AKR1B1: variants seen among roughly 807,000 people sequenced by gnomAD.
The protein encoded by AKR1B1 is aldo-keto reductase family 1 member B1.
A neutral mutation model predicts 40.4 loss-of-function variants in AKR1B1; 22 were observed. The ratio of observed to expected loss-of-function variants is 0.54; its 90% CI spans 0.39 to 0.78. The LOEUF (loss-of-function observed/expected upper bound fraction) is 0.78, where lower values mean the gene tolerates loss of function less well. AKR1B1 is among the 30% of genes least tolerant of loss of function. The pLI, the probability that AKR1B1 is intolerant of heterozygous loss-of-function variation, is 0.00. For missense variants in AKR1B1, 357 were observed against 396.7 expected, an observed-to-expected ratio of 0.90 and a Z score of 0.85; for synonymous variants, 157 against 149.9, an observed-to-expected ratio of 1.05 and a Z score of -0.35.
intron 1 of AKR1B1, among the ~76,000 whole-genome samples, chr7:134,454,525 C>G (rs1806404020): frequency 6.6e-6 from 1 of 152,136 alleles, no homozygotes; most frequent in African/African-American, 2.4e-5. Context: ...CTCTGCAAGT[C>G]AAAAAGCAAG....
intron 2 of AKR1B1, 109 bp from the exon 3 acceptor site, chr7:134,451,011 G>T: frequency 2.3e-6 from 2 of 859,388 alleles, no homozygotes; most frequent in Non-Finnish European, 3.9e-6. Context: ...TTACCATGAT[G>T]CTGTGAATGG....
Position 134,450,896 on chromosome 7 carries a change from A to T in AKR1B1, c.241T>A (p.Cys81Ser). The T allele has an allele frequency of 6.2e-7, 1 of 1,613,934 alleles. No individual in the cohort carries two copies. The highest frequency in any genetic ancestry group is 8.5e-7 in the Non-Finnish European group (1 of 1,179,846). Residue 81 changes from cysteine (C) to serine (S), a missense_variant, in exon 3 of 10, where the codon TGC becomes AGC. Coordinates refer to ENST00000285930, the MANE Select transcript of AKR1B1 (RefSeq NM_001628.4). ...ACCAGGCCCTTCTCATGGTACGTGC[A>T]CCACAGCTAAGCCAGCGAGAGGGCA... ...EELFIVSKLWCTYHEKGLVKG... is the reference protein window; with the variant it reads ...EELFIVSKLWSTYHEKGLVKG...
intron 4 of AKR1B1, chr7:134,449,390 T>C (rs528589015): frequency 4.6e-5 from 26 of 564,208 alleles, no homozygotes; most frequent in Non-Finnish European, 7.0e-5. Flanking sequence ...ATCAAGACCA[T>C]CCTGGCTAAC....
chr7:134,447,547 A>G, intron 7 of AKR1B1, 166 bp from the exon 8 acceptor site: 1 of 696,924 alleles, frequency 1.4e-6, no homozygotes, highest in East Asian at 2.7e-5. Context: ...TAGGCGACGC[A>G]TTCAGGTCCA....
In AKR1B1 at chr7:134,448,931, A is replaced by G. The variant is rs571395236; in HGVS notation, c.552+66T>C. ...ACTTGCTGGGTGAGGTGGACGAGAA[A>G]TCCCTACCAGCATCAGACAGTAAAA... On this transcript the variant is annotated intron_variant, in intron 5 of 9. Transcript: ENST00000285930. 1.2e-4 allele frequency: 192 copies of G among 1,608,618 alleles called. 2 individuals carry two copies. In the African/African-American group the frequency reaches 1.3e-3, roughly 11 times the overall value.
At chr7:134,448,126 C>A in intron 6 of AKR1B1, 65 bp from the exon 7 acceptor site, 1 of 1,359,120 alleles carries the variant, frequency 7.4e-7, no homozygotes, top group Non-Finnish European at 1.0e-6. Context: ...CCAGAAACCC[C>A]AACCCTAATC....
intron 6 of AKR1B1, 115 bp downstream of exon 6, chr7:134,448,270 CAG>C (rs1338997539): frequency 8.9e-6 from 9 of 1,014,628 alleles, no homozygotes; most frequent in Non-Finnish European, 1.4e-5. Flanking sequence ...GCAAGAGGCT[CAG>C]GGGAAGTTTT....
chr7:134,448,351 A>G, intron 6 of AKR1B1, 36 bp downstream of exon 6: 1 of 1,528,000 alleles, frequency 6.5e-7, no homozygotes, highest in Non-Finnish European at 9.1e-7. Context: ...AATCTTCACC[A>G]AGTGACACAG....
intron 1 of AKR1B1, among the ~76,000 whole-genome samples, chr7:134,452,107 G>A (rs1012923242): frequency 3.3e-5 from 5 of 152,158 alleles, no homozygotes; most frequent in African/African-American, 1.2e-4. Context: ...AGATAGTAAG[G>A]GAAACCATTT....
rs1428489589 is a variant in AKR1B1 at position 134,447,364 on chromosome 7, G to A, written c.759C>T (p.Pro253=). 1.9e-6 allele frequency: 3 copies of A among 1,613,932 alleles called. No individual in the cohort carries two copies. In the Admixed American group the frequency reaches 5.0e-5, roughly 27 times the overall value. Residue 253 remains proline, a synonymous_variant, in exon 8 of 10, where the codon CCC becomes CCT. Coordinates refer to ENST00000285930, the MANE Select transcript of AKR1B1 (RefSeq NM_001628.4). ...GGATCACCACCAAGTTCCTCTGCAT[G>A]GGGAACCGGATCAGGACCTGTGAGC... ...KTTAQVLIRF[P]MQRNLVVIPK...
In AKR1B1 at chr7:134,447,155, C is replaced by T. The variant is rs113370670; in HGVS notation, c.825+143G>A. 4.0e-3 allele frequency: 3,162 copies of T among 794,150 alleles called. 81 individuals are homozygous for T. The African/African-American group carries it at 0.048, about 12-fold the overall frequency. 49.2% of individuals were successfully genotyped at this position (794,150 alleles called of 1,614,324 possible). A position where few individuals can be genotyped will look rare whatever the true frequency, so the allele number is the denominator to read the frequency against. On this transcript the variant is annotated intron_variant, in intron 8 of 9. Coordinates refer to ENST00000285930, the MANE Select transcript of AKR1B1 (RefSeq NM_001628.4). ...CCACTGGTGAGGTGTCAGTCTCAGT[C>T]TTGGCTTGCTCGCCACAGCTCCCTG... is the stretch of plus-strand genomic sequence containing the variant.
intron 9 of AKR1B1, among the ~76,000 whole-genome samples, chr7:134,443,617 C>A (rs530298405): frequency 6.6e-6 from 1 of 150,830 alleles, no homozygotes; most frequent in Non-Finnish European, 1.5e-5. Context: ...CAGGTGCAGA[C>A]GTGTTTGTCA....
chr7:134,447,838 C>G, intron 7 of AKR1B1, 142 bp downstream of exon 7: 1 of 779,140 alleles, frequency 1.3e-6, no homozygotes, highest in Non-Finnish European at 2.3e-6. Flanking sequence ...CGATCTGTGC[C>G]CTTTCCACTC....
rs932031834 is a variant in AKR1B1 at position 134,450,852 on chromosome 7, C to T, written c.285G>A (p.Lys95=). The T allele has an allele frequency of 1.2e-6, 2 of 1,614,198 alleles. No individual in the cohort carries two copies. The change falls in exon 3 of 10, where the codon AAG becomes AAA. Residue 95 remains lysine (K), a synonymous_variant. Transcript: ENST00000285930. The part of the protein sequence containing the change: ...EKGLVKGACQ[K]TLSDLKLDYL... ...AGTCCAGCTTCAGGTCGCTGAGTGT[C>T]TTCTGGCAGGCTCCTTTCACCAGGC...
rs757493252 is a variant in AKR1B1, at chr7:134,459,031, G to C, written c.32C>G (p.Ala11Gly). MASRLLLNNG[A>G]KMPILGLGTW... ...ACCCAACCCCAGGATGGGCATCTTG[G>C]CGCCGTTGTTGAGCAGGAGACGGCT... is the stretch of plus-strand genomic sequence containing the variant. Residue 11 changes from alanine (A) to glycine (G), a missense_variant, in exon 1 of 10, where the codon GCC becomes GGC. By Grantham distance (60) the Ala-to-Gly change is moderately conservative (BLOSUM62 0). Transcript: ENST00000285930. 1.2e-6 allele frequency: 2 copies of C among 1,608,692 alleles called. No homozygotes were observed. The highest frequency in any genetic ancestry group is 2.2e-5 in the East Asian group (1 of 44,596).
At chr7:134,443,994 A>C (rs1175406299) in intron 9 of AKR1B1, among the ~76,000 whole-genome samples, 2 of 152,162 alleles carry the variant, frequency 1.3e-5, no homozygotes, top group African/African-American at 4.8e-5. Context: ...AGGGCAGAGG[A>C]GCCTAACTGT....
At position 134,459,096 on chromosome 7, in the gene AKR1B1, G is replaced by T; in HGVS notation, c.-34C>A. ...CGCTCCCCAGACCCCCGCCCAGTAC[G>T]GTGCGGCCTTGGCCGCGGCGCGTAC... On this transcript the variant is annotated 5_prime_UTR_variant, in exon 1 of 10. Coordinates refer to ENST00000285930, the MANE Select transcript of AKR1B1 (RefSeq NM_001628.4). The T allele has an allele frequency of 1.3e-6, 2 of 1,588,420 alleles. No homozygotes were observed. Among genetic ancestry groups the T allele is most frequent in the Non-Finnish European group, 8.6e-7 (1 of 1,168,022 alleles).
intron 1 of AKR1B1, 146 bp downstream of exon 1, chr7:134,458,851 G>A: frequency 1.1e-6 from 1 of 913,894 alleles, no homozygotes; most frequent in Non-Finnish European, 1.7e-6. Flanking sequence ...CCAGCCCGCT[G>A]GGGACCCTGC....
intron 5 of AKR1B1, among the ~76,000 whole-genome samples, 200 bp from the exon 6 acceptor site, chr7:134,448,693 G>T (rs1806185983): frequency 6.6e-6 from 1 of 152,152 alleles, no homozygotes; most frequent in South Asian, 2.1e-4. Flanking sequence ...TATTATAGAT[G>T]TTCTCATGGG....
Sources: allele counts gnomAD v4.1 joint callset (sites outside exome capture counted in the v4.1 genomes callset), GRCh38; gene constraint gnomAD v4.1.1; transcripts MANE v1.5; gene names NCBI Gene and HGNC (gene_info 2026-07-23, HGNC 2026-07-21).